The following MTUS1 variants were observed in gnomAD, a reference collection of about 807,000 sequenced individuals.
The protein encoded by MTUS1 is microtubule associated scaffold protein 1.
Under a neutral mutation model 120.8 loss-of-function variants are expected in MTUS1, and 109 were observed. The ratio of observed to expected loss-of-function variants is 0.90; its 90% CI spans 0.77 to 1.06. MTUS1 has a LOEUF of 1.06. Ranked by LOEUF, MTUS1 falls within the 50% of genes least tolerant of loss-of-function variation. MTUS1 has a pLI of 0.00. For missense variants in MTUS1, 2,210 were observed against 1,486.3 expected (o/e 1.49, Z -8.01); for synonymous variants, 737 against 550.5 (o/e 1.34, Z -4.74).
In MTUS1 at chr8:17,763,259, G is replaced by A. The variant is rs1039431100; in HGVS notation, c.-154-7298C>T. 4.6e-5 allele frequency among the ~76,000 whole-genome samples: 7 copies of A among 152,118 alleles called. No individual in the cohort carries two copies. The South Asian group carries it at 1.5e-3, about 32-fold the overall frequency. The stretch of plus-strand genomic sequence containing the variant: ...CACACCTCGGCCTTCCAAAGTGCTG[G>A]GATTACAGGCGTGAGCCACCACGCC... On this transcript the variant is annotated intron_variant, in intron 1 of 14. Transcript: ENST00000693296.
At chr8:17,793,144 C>T (rs573419527) in intron 1 of MTUS1, among the ~76,000 whole-genome samples, 1 of 152,264 alleles carries the variant, frequency 6.6e-6, no homozygotes, top group East Asian at 1.9e-4. Context: ...ATTGTCTGCA[C>T]GAATAGGGAA....
chr8:17,700,887 T>C (rs400696), intron 6 of MTUS1, among the ~76,000 whole-genome samples: 94,347 of 151,690 alleles, frequency 0.62, 29,532 homozygotes, highest in Middle Eastern at 0.72. Context: ...TATGTTGTAA[T>C]ATCACAGTAT....
chr8:17,715,608 C>G (rs1395327594), intron 5 of MTUS1, among the ~76,000 whole-genome samples, 159 bp downstream of exon 5: 1 of 152,186 alleles, frequency 6.6e-6, no homozygotes, highest in Non-Finnish European at 1.5e-5. Flanking sequence ...GTCAGAAAAA[C>G]AATTTCCTCA....
chr8:17,794,093 C>A (rs1004911126), intron 1 of MTUS1, among the ~76,000 whole-genome samples: 4 of 152,126 alleles, frequency 2.6e-5, no homozygotes, highest in African/African-American at 9.7e-5. Flanking sequence ...TTTGGGAGGC[C>A]AAGGCCGGTG....
rs1263390631 is a variant in MTUS1, at chr8:17,754,073, ACTG to A, written c.1732_1734del (p.Gln578del). The A allele has an allele frequency of 1.9e-6, 3 of 1,613,246 alleles. No homozygotes were observed. Among genetic ancestry groups the A allele is most frequent in the Non-Finnish European group, 2.5e-6 (3 of 1,179,902 alleles). Reference sequence around the variant, plus strand: ...GCCTGGCTAGTAATGAGTTTATTAAACTGCTGCTTATGTGTCTTGTTAATTAGA... The same window carrying A: ...GCCTGGCTAGTAATGAGTTTATTAAACTGCTTATGTGTCTTGTTAATTAGA... On this transcript the variant is annotated inframe_deletion, in exon 2 of 15. Coordinates refer to ENST00000693296, the MANE Select transcript of MTUS1 (RefSeq NM_001363059.2).
intron 3 of MTUS1, among the ~76,000 whole-genome samples, chr8:17,729,805 C>T (rs999956301): frequency 7.9e-5 from 12 of 151,676 alleles, no homozygotes; most frequent in South Asian, 4.2e-4. Context: ...AATTCAACAA[C>T]GAAAATACCA....
chr8:17,707,048 A>G (rs1820312257), intron 6 of MTUS1, among the ~76,000 whole-genome samples: 2 of 152,224 alleles, frequency 1.3e-5, no homozygotes, highest in Admixed American at 1.3e-4. Flanking sequence ...TAAAATAAAA[A>G]TATCTCAAAG....
intron 3 of MTUS1, among the ~76,000 whole-genome samples, chr8:17,726,783 C>A (rs1377424007): frequency 6.6e-6 from 1 of 152,162 alleles, no homozygotes; most frequent in Non-Finnish European, 1.5e-5. Context: ...CAAATTGCCG[C>A]CCCTTCAGCA....
chr8:17,746,325 C>T (rs577782058), intron 2 of MTUS1, among the ~76,000 whole-genome samples: 3 of 152,156 alleles, frequency 2.0e-5, no homozygotes, highest in Non-Finnish European at 4.4e-5. Flanking sequence ...TTCTATACAT[C>T]CCAACTCAGC....
At chr8:17,771,753 A>AG (rs2050039819) in intron 1 of MTUS1, among the ~76,000 whole-genome samples, 1 of 152,264 alleles carries the variant, frequency 6.6e-6, no homozygotes, top group Non-Finnish European at 1.5e-5. Flanking sequence ...TCCGATAAAC[A>AG]GGGTCCACTC....
chr8:17,787,883 G>A (rs959441078), intron 1 of MTUS1, among the ~76,000 whole-genome samples: 1 of 152,234 alleles, frequency 6.6e-6, no homozygotes, highest in African/African-American at 2.4e-5. Context: ...CACTTCGGGA[G>A]GCCGAGGCAG....
chr8:17,688,071 G>A (rs1816199933), intron 6 of MTUS1, among the ~76,000 whole-genome samples: 1 of 152,136 alleles, frequency 6.6e-6, no homozygotes, highest in Admixed American at 6.6e-5. Flanking sequence ...TCAATCTGCT[G>A]GCTTTTCCAA....
intron 6 of MTUS1, among the ~76,000 whole-genome samples, chr8:17,685,148 C>G (rs1415424709): frequency 2.6e-5 from 4 of 152,164 alleles, no homozygotes; most frequent in Admixed American, 6.6e-5. Flanking sequence ...GTTGACTATA[C>G]TATTCCATTT....
At chr8:17,766,334 G>A (rs1271396598) in intron 1 of MTUS1, among the ~76,000 whole-genome samples, 2 of 152,192 alleles carry the variant, frequency 1.3e-5, no homozygotes, top group East Asian at 3.8e-4. Flanking sequence ...TAATGAGAAT[G>A]AGAAAATGTT....
At chr8:17,670,045 G>T (rs931846475) in intron 8 of MTUS1, among the ~76,000 whole-genome samples, 1 of 152,218 alleles carries the variant, frequency 6.6e-6, no homozygotes, top group Non-Finnish European at 1.5e-5. Context: ...ATGGATCCAA[G>T]TGGCATTTAG....
chr8:17,793,015 T>C (rs2051925728), intron 1 of MTUS1, among the ~76,000 whole-genome samples: 2 of 152,336 alleles, frequency 1.3e-5, no homozygotes, highest in African/African-American at 2.4e-5. Context: ...TCTTATTAGA[T>C]GTAATGAGAA....
At chr8:17,772,990 C>A (rs1362191223) in intron 1 of MTUS1, among the ~76,000 whole-genome samples, 2 of 152,160 alleles carry the variant, frequency 1.3e-5, no homozygotes, top group African/African-American at 4.8e-5. Flanking sequence ...CTACTATGAA[C>A]TAAATTATCC....
chr8:17,715,884 T>C lies in MTUS1; in HGVS notation c.2467A>G (p.Ile823Val). The C allele has an allele frequency of 1.2e-6, 2 of 1,613,216 alleles. No homozygotes were observed. Among genetic ancestry groups the C allele is most frequent in the Non-Finnish European group, 1.7e-6 (2 of 1,179,792 alleles). ...TTTGGAGGTTTCTCCTCATATTTGATGACAGCGGCATTACCAGCTGTAATA... is the reference window on the plus strand; with the variant it reads ...TTTGGAGGTTTCTCCTCATATTTGACGACAGCGGCATTACCAGCTGTAATA... ...YSNNSGNAAVIKYEEKPPKPA... is the reference protein window; with the variant it reads ...YSNNSGNAAVVKYEEKPPKPA... The change falls in exon 5 of 15, where the codon ATC (isoleucine) becomes GTC (valine). Residue 823 changes from isoleucine to valine, a missense_variant. Ile to Val is a conservative substitution (Grantham distance 29). Coordinates refer to ENST00000693296, the MANE Select transcript of MTUS1 (RefSeq NM_001363059.2).
At chr8:17,663,318 GAT>G (rs1448176327) in intron 8 of MTUS1, among the ~76,000 whole-genome samples, 1 of 152,128 alleles carries the variant, frequency 6.6e-6, no homozygotes, top group Non-Finnish European at 1.5e-5. Context: ...TCCCTTTGTT[GAT>G]TGATAAATGT....
Sources: gnomAD v4.1 joint callset for allele counts (sites outside exome capture counted in the v4.1 genomes callset) on GRCh38, gnomAD v4.1.1 for gene constraint, MANE v1.5 for transcripts, NCBI Gene and HGNC (gene_info 2026-07-23, HGNC 2026-07-21) for gene names.